CCNB3: variants seen among roughly 807,000 people sequenced by gnomAD.
CCNB3 encodes cyclin B3.
Under a neutral mutation model 68.0 loss-of-function variants are expected in CCNB3, and 12 were observed. The ratio of observed to expected loss-of-function variants is 0.18; its 90% CI spans 0.11 to 0.29. CCNB3 has a LOEUF of 0.29. Ranked by LOEUF, CCNB3 falls within the 10% of genes least tolerant of loss-of-function variation. The pLI is 1.00. For missense variants in CCNB3, 904 were observed against 993.1 expected (o/e 0.91, Z 1.21); for synonymous variants, 354 against 388.9 (o/e 0.91, Z 1.06).
chrX:50,301,538 G>A (rs188422626), intron 5 of CCNB3, among the ~76,000 whole-genome samples: 2,108 of 111,931 alleles, frequency 0.019, 34 homozygotes, highest in Middle Eastern at 0.046. Context: ...GTGTCAGTCC[G>A]CCCCTACTTG....
At chrX:50,227,081 T>A (rs1472745197) in intron 1 of CCNB3, among the ~76,000 whole-genome samples, 1 of 80,413 alleles carries the variant, frequency 1.2e-5, no homozygotes, top group Admixed American at 1.8e-4. Context: ...ATATAAAGAA[T>A]ATATATAAAT....
intron 8 of CCNB3, among the ~76,000 whole-genome samples, chrX:50,332,287 C>G (rs968162972): frequency 9.0e-5 from 10 of 111,501 alleles, no homozygotes; most frequent in African/African-American, 3.3e-4. Context: ...TAACACACAT[C>G]TGGCTGGTTG....
chrX:50,294,975 A>G lies in CCNB3; in HGVS notation c.317A>G (p.Asn106Ser). 3 of 1,206,293 alleles carry G rather than the reference A, an allele frequency of 2.5e-6. No homozygotes were observed. Among genetic ancestry groups the G allele is most frequent in the Non-Finnish European group, 3.4e-6 (3 of 892,904 alleles). ...NTHALGLAKKNKRNLKWHKLE... is the reference protein window; with the variant it reads ...NTHALGLAKKSKRNLKWHKLE... ...CATGCTCTTGGACTGGCCAAAAAGA[A>G]TAAGCGGAATCTAAAATGGTGAGTG... Residue 106 changes from asparagine to serine, a missense_variant, in exon 5 of 13, where the codon AAT (asparagine) becomes AGT (serine). Transcript: ENST00000376042.
At chrX:50,343,130 A>G in intron 9 of CCNB3, among the ~76,000 whole-genome samples, 2 of 112,118 alleles carry the variant, frequency 1.8e-5, no homozygotes. Context: ...CTCCATGCAT[A>G]TTATGACCCC....
At chrX:50,279,075 CATAT>C (rs1300807885) in intron 1 of CCNB3, among the ~76,000 whole-genome samples, 70 of 51,599 alleles carry the variant, frequency 1.4e-3, no homozygotes, top group African/African-American at 5.0e-3. Context: ...ATTTATAGAA[CATAT>C]ATAAATATAT....
intron 3 of CCNB3, 55 bp downstream of exon 3, chrX:50,285,314 G>A: frequency 1.1e-6 from 1 of 904,415 alleles, no homozygotes; most frequent in Non-Finnish European, 1.6e-6. Context: ...TCCTGTGTTG[G>A]CTCAGTACCT....
At chrX:50,303,035 C>T (rs911892730) in intron 5 of CCNB3, among the ~76,000 whole-genome samples, 41 of 111,229 alleles carry the variant, frequency 3.7e-4, no homozygotes, top group African/African-American at 1.3e-3. Context: ...GAGGAACTGC[C>T]AAGCTGTATT....
rs1008801453 is a variant in CCNB3, at chrX:50,225,172, G to A, written c.-113+20222G>A. Among the ~76,000 whole-genome samples, 4 of 110,802 alleles carry A rather than the reference G, an allele frequency of 3.6e-5. No individual in the cohort carries two copies. In the East Asian group the frequency reaches 1.1e-3, roughly 31 times the overall value. On this transcript the variant is annotated intron_variant, in intron 1 of 12. Coordinates refer to ENST00000376042, the MANE Select transcript of CCNB3 (RefSeq NM_033031.3). ...ATCCTCCTTTAAATAACATGGGCAGGGAAGGCCTCTCTGAAGAGGGGACGT... is the reference window on the plus strand; with the variant it reads ...ATCCTCCTTTAAATAACATGGGCAGAGAAGGCCTCTCTGAAGAGGGGACGT...
At chrX:50,206,256 A>C (rs1481191314) in intron 1 of CCNB3, among the ~76,000 whole-genome samples, 1 of 108,794 alleles carries the variant, frequency 9.2e-6, no homozygotes, top group African/African-American at 3.4e-5. Context: ...TAAATAAATA[A>C]ATAAATAAAT....
intron 4 of CCNB3, among the ~76,000 whole-genome samples, chrX:50,292,606 A>C (rs1936369716): frequency 9.0e-6 from 1 of 110,965 alleles, no homozygotes; most frequent in Non-Finnish European, 1.9e-5. Context: ...TTTCTCTTGC[A>C]ACTAGTAAGG....
chrX:50,281,832 C>T (rs959367260), intron 1 of CCNB3, among the ~76,000 whole-genome samples: 2 of 111,482 alleles, frequency 1.8e-5, no homozygotes, highest in African/African-American at 6.5e-5. Flanking sequence ...TGCAGCATGT[C>T]TTTTGAGCTA....
intron 8 of CCNB3, among the ~76,000 whole-genome samples, chrX:50,314,791 A>G (rs1358982275): frequency 9.0e-6 from 1 of 111,203 alleles, no homozygotes; most frequent in Non-Finnish European, 1.9e-5. Context: ...ACAGAACCCA[A>G]AGATTGCTTA....
At chrX:50,336,239 C>T (rs1342052984) in intron 8 of CCNB3, among the ~76,000 whole-genome samples, 1 of 111,954 alleles carries the variant, frequency 8.9e-6, no homozygotes, top group East Asian at 2.8e-4. Flanking sequence ...TTCCAATGTC[C>T]TATTTCCTTA....
chrX:50,323,211 C>T (rs1242933144), intron 8 of CCNB3, among the ~76,000 whole-genome samples: 2 of 111,284 alleles, frequency 1.8e-5, no homozygotes, highest in African/African-American at 3.3e-5. Flanking sequence ...AAATGTGGCA[C>T]ATATACACCA....
At chrX:50,323,723 T>C (rs1215370525) in intron 8 of CCNB3, among the ~76,000 whole-genome samples, 1 of 112,323 alleles carries the variant, frequency 8.9e-6, no homozygotes, top group African/African-American at 3.2e-5. Context: ...TGCTCATAAA[T>C]CAGATTCCTT....
chrX:50,330,112 T>C (rs781884291), intron 8 of CCNB3, among the ~76,000 whole-genome samples: 1 of 111,461 alleles, frequency 9.0e-6, no homozygotes, highest in South Asian at 3.8e-4. Context: ...CCGAGCTCCC[T>C]GAGTGAGCAA....
At chrX:50,289,231 G>GT (rs1212051473) in intron 4 of CCNB3, among the ~76,000 whole-genome samples, 1 of 111,848 alleles carries the variant, frequency 8.9e-6, no homozygotes, top group Non-Finnish European at 1.9e-5. Flanking sequence ...CCAGTGCAGT[G>GT]TTTATCAATT....
intron 11 of CCNB3, among the ~76,000 whole-genome samples, chrX:50,349,637 C>A (rs1384176295): frequency 8.9e-6 from 1 of 112,162 alleles, no homozygotes; most frequent in African/African-American, 3.2e-5. Flanking sequence ...TCCATTACCC[C>A]CTTGTGTTAC....
intron 8 of CCNB3, among the ~76,000 whole-genome samples, chrX:50,334,493 C>T (rs1922750580): frequency 8.9e-6 from 1 of 112,651 alleles, no homozygotes; most frequent in Admixed American, 9.4e-5. Flanking sequence ...GTTAGTTTAT[C>T]TGCTTCTTGT....
Sources: gnomAD v4.1 joint callset for allele counts (sites outside exome capture counted in the v4.1 genomes callset) on GRCh38, gnomAD v4.1.1 for gene constraint, MANE v1.5 for transcripts, NCBI Gene and HGNC (gene_info 2026-07-23, HGNC 2026-07-21) for gene names.